The following EEF1AKMT2 variants were observed in gnomAD, a reference collection of about 807,000 sequenced individuals.
The protein encoded by EEF1AKMT2 is EEF1A lysine methyltransferase 2.
A neutral mutation model predicts 35.8 loss-of-function variants in EEF1AKMT2; 32 were observed. That is an observed-to-expected ratio of 0.89 (90% CI 0.67 to 1.20). EEF1AKMT2 has a LOEUF of 1.20. Ranked by LOEUF, EEF1AKMT2 falls within the 50% of genes most tolerant of loss-of-function variation. The pLI is 0.00. For synonymous variants in EEF1AKMT2, 121 were observed against 133.7 expected (o/e 0.91, Z 0.65); for missense variants, 330 against 347.5 (o/e 0.95, Z 0.40).
intron 3 of EEF1AKMT2, among the ~76,000 whole-genome samples, chr10:124,780,198 G>C (rs1190527397): frequency 6.6e-6 from 1 of 152,144 alleles, no homozygotes; most frequent in East Asian, 1.9e-4. Flanking sequence ...GAATAAATGT[G>C]GCTGTATTCC....
chr10:124,789,063 C>CA lies in EEF1AKMT2; in HGVS notation c.270dup (p.Gly91TrpfsTer6). On this transcript the variant is annotated frameshift_variant, in exon 3 of 7. Transcript: ENST00000368836. LOFTEE classifies it high-confidence loss of function. ...CCAACAAGTTCAACCAGGAAAACAC[C>CA]ATTTCCAGTTCCAATATCAAGCACT... 6.2e-7 allele frequency: 1 copy of CA among 1,611,746 alleles called. No homozygotes were observed. The highest frequency in any genetic ancestry group is 8.5e-7 in the Non-Finnish European group (1 of 1,178,930).
At chr10:124,779,543 G>A (rs1950518541) in intron 3 of EEF1AKMT2, among the ~76,000 whole-genome samples, 2 of 151,228 alleles carry the variant, frequency 1.3e-5, no homozygotes, top group Admixed American at 6.6e-5. Context: ...TCAGGAGATC[G>A]AGACCATCCT....
At position 124,765,440 on chromosome 10, in the gene EEF1AKMT2, T is replaced by A; in HGVS notation, c.568A>T (p.Thr190Ser). 6.2e-7 allele frequency: 1 copy of A among 1,614,024 alleles called. No individual in the cohort carries two copies. Among genetic ancestry groups the A allele is most frequent in the Non-Finnish European group, 8.5e-7 (1 of 1,179,960 alleles). Residue 190 changes from threonine (T) to serine (S), a missense_variant, in exon 5 of 7, where the codon ACG becomes TCG. Coordinates refer to ENST00000368836, the MANE Select transcript of EEF1AKMT2 (RefSeq NM_212554.4). The stretch of plus-strand genomic sequence containing the variant: ...TCTTCCTTGGTCCAATTACATGACG[T>A]TATTAGAAAAAAGCCTTTTACTTTC... ...VLKVKGFFLITSCNWTKEELL... is the reference protein window; with the variant it reads ...VLKVKGFFLISSCNWTKEELL...
intron 4 of EEF1AKMT2, among the ~76,000 whole-genome samples, chr10:124,771,568 G>A (rs551549880): frequency 6.2e-4 from 94 of 151,912 alleles, no homozygotes; most frequent in Non-Finnish European, 1.2e-3. Context: ...GTGTTAACAG[G>A]CATAAAAACA....
chr10:124,763,915 T>C (rs1340187082), intron 5 of EEF1AKMT2, among the ~76,000 whole-genome samples: 3 of 152,112 alleles, frequency 2.0e-5, no homozygotes, highest in Non-Finnish European at 2.9e-5. Flanking sequence ...ATAAAATAAA[T>C]GGCATGAAAG....
At chr10:124,783,312 T>G (rs1023717400) in intron 3 of EEF1AKMT2, among the ~76,000 whole-genome samples, 1 of 151,756 alleles carries the variant, frequency 6.6e-6, no homozygotes, top group Non-Finnish European at 1.5e-5. Context: ...CTGGCTAATT[T>G]TTGTATCTTT....
intron 4 of EEF1AKMT2, among the ~76,000 whole-genome samples, chr10:124,768,265 A>G (rs748417450): frequency 6.6e-6 from 1 of 152,208 alleles, no homozygotes; most frequent in Non-Finnish European, 1.5e-5. Flanking sequence ...GCAATGGGGA[A>G]GTCAGTTCAG....
chr10:124,780,953 C>CA (rs1950534232), intron 3 of EEF1AKMT2, among the ~76,000 whole-genome samples: 2 of 147,798 alleles, frequency 1.4e-5, no homozygotes, highest in African/African-American at 4.9e-5. Flanking sequence ...AGTGACGTAA[C>CA]TTTTTTTTTT....
intron 4 of EEF1AKMT2, among the ~76,000 whole-genome samples, chr10:124,772,410 T>C (rs1170030476): frequency 7.0e-6 from 1 of 143,706 alleles, no homozygotes; most frequent in Non-Finnish European, 1.5e-5. Context: ...AGATGGCTTC[T>C]TTTCTTTTTC....
chr10:124,778,561 T>C (rs970742212), intron 3 of EEF1AKMT2, among the ~76,000 whole-genome samples: 1 of 151,428 alleles, frequency 6.6e-6, no homozygotes, highest in African/African-American at 2.4e-5. Context: ...CCGTCTCTAC[T>C]AAAAATACAA....
At chr10:124,765,271 A>T in intron 5 of EEF1AKMT2, 121 bp downstream of exon 5, 1 of 767,728 alleles carries the variant, frequency 1.3e-6, no homozygotes, top group Non-Finnish European at 2.2e-6. Context: ...TAACAGAGAA[A>T]AAAGCAGGCA....
rs71893253 is a variant in EEF1AKMT2 at position 124,764,303 on chromosome 10, C to CA, written c.616+1088dup. ...TCCTATCCTTTAAAAAGTGCAGGAT[C>CA]AAAAAAAAAAAAAAAACAAACTAAT... On this transcript the variant is annotated intron_variant, in intron 5 of 6. Coordinates refer to ENST00000368836, the MANE Select transcript of EEF1AKMT2 (RefSeq NM_212554.4). Among the ~76,000 whole-genome samples, 657 of 127,556 alleles carry CA rather than the reference C, an allele frequency of 5.2e-3. 2 individuals are homozygous for CA. Among genetic ancestry groups the CA allele is most frequent in the Middle Eastern group, 0.02 (5 of 248 alleles). The allele number at this position is 127,556 out of a possible 152,430, so 83.7% of individuals were successfully genotyped here.
chr10:124,788,710 T>TTATATATATATATATATATATATATATA (rs146577563), intron 3 of EEF1AKMT2, among the ~76,000 whole-genome samples: 2,882 of 91,316 alleles, frequency 0.032, 326 homozygotes, highest in Non-Finnish European at 0.046. Context: ...AAGGTCATCT[T>TTATATATATATATATATATATATATATA]TATATATATA....
intron 3 of EEF1AKMT2, among the ~76,000 whole-genome samples, chr10:124,782,454 C>A (rs1364130610): frequency 6.6e-6 from 1 of 150,970 alleles, no homozygotes; most frequent in African/African-American, 2.4e-5. Flanking sequence ...TGGTAGCGGG[C>A]GCCTGTAGTC....
Position 124,782,889 on chromosome 10 carries a change from T to C in EEF1AKMT2, c.291+6154A>G, listed in dbSNP as rs531885755. On this transcript the variant is annotated intron_variant, in intron 3 of 6. Transcript: ENST00000368836. ...AAATCCAAACGTATCAATAATCACA[T>C]TGAACATAAATGTTCTAAATACACC... The C allele has an allele frequency of 2.6e-5, 9 of 343,128 alleles. No individual in the cohort carries two copies. In the East Asian group the frequency reaches 5.7e-4, roughly 22 times the overall value. 21.3% of individuals were successfully genotyped at this position (343,128 alleles called of 1,614,324 possible).
intron 3 of EEF1AKMT2, among the ~76,000 whole-genome samples, chr10:124,775,152 T>G (rs566489630): frequency 6.6e-5 from 10 of 152,306 alleles, no homozygotes; most frequent in African/African-American, 2.4e-4. Flanking sequence ...TAAATTATAT[T>G]AACAAAATCA....
intron 3 of EEF1AKMT2, among the ~76,000 whole-genome samples, chr10:124,785,358 TACA>T (rs1950576013): frequency 6.6e-6 from 1 of 150,428 alleles, no homozygotes; most frequent in Admixed American, 6.6e-5. Flanking sequence ...CCTTTAATAC[TACA>T]ACAAAAGCAT....
In EEF1AKMT2 at chr10:124,760,399, A is replaced by C; in HGVS notation, c.*104T>G. The stretch of plus-strand genomic sequence containing the variant: ...CTGTGTAGCTACCTGAATTCGTCCA[A>C]GAAAAAGTCTCACATTTTTTGGAAA... On this transcript the variant is annotated 3_prime_UTR_variant, in exon 7 of 7. Coordinates refer to ENST00000368836, the MANE Select transcript of EEF1AKMT2 (RefSeq NM_212554.4). 1 of 1,603,002 alleles carries C rather than the reference A, an allele frequency of 6.2e-7. No homozygotes were observed. Among genetic ancestry groups the C allele is most frequent in the East Asian group, 2.2e-5 (1 of 44,788 alleles).
chr10:124,769,220 A>C (rs111652147), intron 4 of EEF1AKMT2, among the ~76,000 whole-genome samples: 232 of 6,996 alleles, frequency 0.033, 74 homozygotes, highest in Non-Finnish European at 0.093. Context: ...ACTGTCTCCA[A>C]AAAAAAAAAA....
Sources: allele counts gnomAD v4.1 joint callset (sites outside exome capture counted in the v4.1 genomes callset), GRCh38; gene constraint gnomAD v4.1.1; transcripts MANE v1.5; gene names NCBI Gene and HGNC (gene_info 2026-07-23, HGNC 2026-07-21).